Variants in WWC2 observed in about 807,000 individuals in gnomAD.
The protein encoded by WWC2 is protein WWC2.
A neutral mutation model predicts 138.5 loss-of-function variants in WWC2; 101 were observed. The observed-to-expected ratio is 0.73, with a 90% confidence interval of 0.62 to 0.86. WWC2 has a LOEUF of 0.86. Ranked by LOEUF, WWC2 falls within the 40% of genes least tolerant of loss-of-function variation. WWC2 has a pLI of 0.00. For missense variants in WWC2, 1,420 were observed against 1,419.4 expected (o/e 1.00, Z -0.01); for synonymous variants, 558 against 538.4 (o/e 1.04, Z -0.50).
intron 2 of WWC2, among the ~76,000 whole-genome samples, chr4:183,203,186 T>C (rs1475104973): frequency 6.6e-6 from 1 of 152,114 alleles, no homozygotes; most frequent in Non-Finnish European, 1.5e-5. Context: ...GCTTTTTTTT[T>C]TTTTTTAAAC....
intron 14 of WWC2, among the ~76,000 whole-genome samples, chr4:183,266,379 A>G: frequency 6.6e-6 from 1 of 152,214 alleles, no homozygotes; most frequent in Admixed American, 6.5e-5. Context: ...TGCTACATGT[A>G]AGAGTATGTT....
intron 1 of WWC2, among the ~76,000 whole-genome samples, chr4:183,174,690 A>G (rs1410691267): frequency 6.6e-6 from 1 of 152,176 alleles, no homozygotes; most frequent in African/African-American, 2.4e-5. Flanking sequence ...AAAAAATGAA[A>G]ACAGTAGAAT....
Position 183,313,286 on chromosome 4 carries a change from G to A in WWC2, c.3512+818G>A, listed in dbSNP as rs530175346. Among the ~76,000 whole-genome samples, 9 of 152,282 alleles carry A rather than the reference G, an allele frequency of 5.9e-5. 1 individual carries two copies. In the South Asian group the frequency reaches 1.5e-3, roughly 25 times the overall value. Reference sequence around the variant, plus strand: ...AAGGCTTCCACCCGTGGTCTCTGACGGGCGGCCAGCAGGGCTCTCCGTGCA... The same window carrying A: ...AAGGCTTCCACCCGTGGTCTCTGACAGGCGGCCAGCAGGGCTCTCCGTGCA... On this transcript the variant is annotated intron_variant, in intron 22 of 22. Coordinates refer to ENST00000403733, the MANE Select transcript of WWC2 (RefSeq NM_024949.6).
chr4:183,239,263 G>A (rs1385776801), intron 4 of WWC2, among the ~76,000 whole-genome samples: 1 of 151,724 alleles, frequency 6.6e-6, no homozygotes, highest in African/African-American at 2.4e-5. Context: ...GCAGTGAGCC[G>A]AGATTGCACC....
intron 9 of WWC2, among the ~76,000 whole-genome samples, chr4:183,257,028 A>G (rs1302624215): frequency 6.6e-6 from 1 of 151,742 alleles, no homozygotes; most frequent in Non-Finnish European, 1.5e-5. Flanking sequence ...CTAAAGAGAA[A>G]TTGCTCGCAA....
At chr4:183,102,782 C>A (rs552531943) in intron 1 of WWC2, among the ~76,000 whole-genome samples, 64 of 152,072 alleles carry the variant, frequency 4.2e-4, no homozygotes, top group Non-Finnish European at 5.7e-4. Flanking sequence ...AGGTTTACCC[C>A]CTCTTCTTTT....
intron 4 of WWC2, among the ~76,000 whole-genome samples, chr4:183,229,201 A>C (rs1351535196): frequency 1.3e-5 from 2 of 152,048 alleles, no homozygotes; most frequent in African/African-American, 4.8e-5. Context: ...TTTTACTTTC[A>C]GTGTGTATGT....
intron 1 of WWC2, among the ~76,000 whole-genome samples, chr4:183,103,640 T>C (rs1295605852): frequency 6.2e-5 from 8 of 128,190 alleles, no homozygotes; most frequent in African/African-American, 1.3e-4. Context: ...GTGTTTCTCT[T>C]TTTTTTTTTT....
rs1157680957 is a variant in WWC2, at chr4:183,279,370, CG to C, written c.2563-1405del. The stretch of plus-strand genomic sequence containing the variant: ...AAGCTTTTTGATGTGCTGCTGGATT[CG>C]TTTTGCCAGTATTTTATTGAGGATT... On this transcript the variant is annotated intron_variant, in intron 16 of 22. Transcript: ENST00000403733. Among the ~76,000 whole-genome samples, 5 of 152,002 alleles carry C rather than the reference CG, an allele frequency of 3.3e-5. No individual in the cohort carries two copies. The East Asian group carries it at 9.7e-4, about 29-fold the overall frequency.
chr4:183,200,840 A>G (rs1735276340), intron 2 of WWC2, among the ~76,000 whole-genome samples: 1 of 152,220 alleles, frequency 6.6e-6, no homozygotes, highest in African/African-American at 2.4e-5. Flanking sequence ...ACCTAATCTC[A>G]GAAGTAATAT....
chr4:183,202,085 G>A (rs879421286), intron 2 of WWC2, among the ~76,000 whole-genome samples: 1 of 152,162 alleles, frequency 6.6e-6, no homozygotes, highest in Non-Finnish European at 1.5e-5. Flanking sequence ...GAAGGAATGA[G>A]TGAGGCAGGG....
chr4:183,287,106 T>C (rs1738284936), intron 20 of WWC2, among the ~76,000 whole-genome samples: 1 of 152,056 alleles, frequency 6.6e-6, no homozygotes, highest in Non-Finnish European at 1.5e-5. Flanking sequence ...ATCAGAAGCA[T>C]TGTCATCACC....
intron 21 of WWC2, among the ~76,000 whole-genome samples, chr4:183,293,400 A>G (rs569557155): frequency 2.0e-5 from 3 of 152,374 alleles, no homozygotes; most frequent in East Asian, 1.9e-4. Context: ...GGTCAACTCA[A>G]TAGATTCAGA....
At chr4:183,221,827 T>G (rs1431583454) in intron 4 of WWC2, among the ~76,000 whole-genome samples, 1 of 152,222 alleles carries the variant, frequency 6.6e-6, no homozygotes, top group South Asian at 2.1e-4. Flanking sequence ...ACAACCCTTT[T>G]GGAAAGCGGG....
chr4:183,195,416 A>G (rs1189697416), intron 2 of WWC2, among the ~76,000 whole-genome samples: 1 of 152,198 alleles, frequency 6.6e-6, no homozygotes, highest in Non-Finnish European at 1.5e-5. Context: ...ACTCTTTGGT[A>G]TCTAAACCCA....
At chr4:183,185,929 T>C (rs1366491149) in intron 1 of WWC2, among the ~76,000 whole-genome samples, 2 of 151,904 alleles carry the variant, frequency 1.3e-5, no homozygotes, top group Non-Finnish European at 2.9e-5. Flanking sequence ...TATGTAAAAT[T>C]TGACCTTTAA....
At chr4:183,238,608 C>T (rs530951364) in intron 4 of WWC2, among the ~76,000 whole-genome samples, 20 of 152,238 alleles carry the variant, frequency 1.3e-4, no homozygotes, top group African/African-American at 4.8e-4. Context: ...CTGAATACCC[C>T]CTCACCCCGC....
chr4:183,225,976 A>G (rs577386788), intron 4 of WWC2, among the ~76,000 whole-genome samples: 6 of 152,214 alleles, frequency 3.9e-5, no homozygotes, highest in Non-Finnish European at 8.8e-5. Flanking sequence ...CCCTTAAAAA[A>G]TTAATACAAT....
At chr4:183,277,158 G>A (rs1224710570) in intron 16 of WWC2, among the ~76,000 whole-genome samples, 1 of 123,582 alleles carries the variant, frequency 8.1e-6, no homozygotes, top group African/African-American at 3.1e-5. Flanking sequence ...AGTCCCCAGA[G>A]TGTGATATTC....
Sources: allele counts gnomAD v4.1 joint callset (sites outside exome capture counted in the v4.1 genomes callset), GRCh38; gene constraint gnomAD v4.1.1; transcripts MANE v1.5; gene names NCBI Gene and HGNC (gene_info 2026-07-23, HGNC 2026-07-21).